The following MORC1 variants were observed in gnomAD, a reference collection of about 807,000 sequenced individuals.
MORC1 encodes the protein MORC family CW-type zinc finger protein 1.
MORC1 carries 59 observed loss-of-function variants against 134.9 expected under a neutral mutation model. The observed-to-expected ratio is 0.44, with a 90% CI of 0.35 to 0.54. The LOEUF (loss-of-function observed/expected upper bound fraction) is 0.54, where lower values mean the gene tolerates loss of function less well. Ranked by LOEUF, MORC1 falls within the 20% of genes least tolerant of loss-of-function variation. The pLI, the probability that MORC1 is intolerant of heterozygous loss-of-function variation, is 0.00. For missense variants in MORC1, 947 were observed against 1,134.5 expected, an observed-to-expected ratio of 0.83 and a Z score of 2.37; for synonymous variants, 395 against 391.7, an observed-to-expected ratio of 1.01 and a Z score of -0.10.
intron 22 of MORC1, 31 bp downstream of exon 22, chr3:108,986,845 AATAT>A: frequency 8.0e-7 from 1 of 1,244,936 alleles, no homozygotes; most frequent in South Asian, 1.6e-5. Flanking sequence ...CATTATAGCT[AATAT>A]ATATATATAC....
Position 108,958,914 on chromosome 3 carries a change from A to C in MORC1, c.*51T>G. 1.5e-6 allele frequency: 2 copies of C among 1,294,992 alleles called. No homozygotes were observed. The highest frequency in any genetic ancestry group is 2.1e-6 in the Non-Finnish European group (2 of 973,404). 80.2% of individuals were successfully genotyped at this position (1,294,992 alleles called of 1,614,324 possible). On this transcript the variant is annotated 3_prime_UTR_variant, in exon 28 of 28. Transcript: ENST00000232603. ...ACAAAAAAGAAAAATTTTTAAAAGA[A>C]TCTTCCAATTTTCTTATTAGCATTT... is the stretch of plus-strand genomic sequence containing the variant.
chr3:109,007,728 T>C (rs375036745), intron 17 of MORC1, among the ~76,000 whole-genome samples: 162 of 152,372 alleles, frequency 1.1e-3, no homozygotes, highest in African/African-American at 3.8e-3. Flanking sequence ...TTATCTTCTA[T>C]GCCGTCATGG....
At chr3:109,102,583 T>C (rs1950949949) in intron 4 of MORC1, among the ~76,000 whole-genome samples, 1 of 152,192 alleles carries the variant, frequency 6.6e-6, no homozygotes, top group Non-Finnish European at 1.5e-5. Context: ...GTCATCTTCC[T>C]TCTACTTTAT....
chr3:109,115,358 CAG>C (rs796181546), intron 1 of MORC1, among the ~76,000 whole-genome samples: 40 of 115,298 alleles, frequency 3.5e-4, no homozygotes, highest in African/African-American at 1.5e-3. Context: ...CACACACACA[CAG>C]AGAGAGAGAA....
In MORC1 at chr3:108,971,913, C is replaced by T. The variant is rs543200637; in HGVS notation, c.2478-511G>A. On this transcript the variant is annotated intron_variant, in intron 24 of 27. Coordinates refer to ENST00000232603, the MANE Select transcript of MORC1 (RefSeq NM_014429.4). The stretch of plus-strand genomic sequence containing the variant: ...CAATGCCTCGCAATCCATGAACAAC[C>T]AGTCCAGGAAAGGCCTGTACCTAGT... Among the ~76,000 whole-genome samples the T allele has an allele frequency of 2.0e-5, 3 of 152,270 alleles. No individual in the cohort carries two copies. The South Asian group carries it at 6.2e-4, about 32-fold the overall frequency.
intron 8 of MORC1, among the ~76,000 whole-genome samples, chr3:109,091,654 G>A (rs896306106): frequency 1.8e-4 from 28 of 151,908 alleles, no homozygotes; most frequent in Admixed American, 9.8e-4. Context: ...CACAGTACTC[G>A]TGTCAGAGGC....
In MORC1 at chr3:109,054,745, C is replaced by T; in HGVS notation, c.1313G>A (p.Cys438Tyr). The T allele has an allele frequency of 6.4e-7, 1 of 1,560,234 alleles. No individual in the cohort carries two copies. The highest frequency in any genetic ancestry group is 1.3e-5 in the South Asian group (1 of 79,362). ...KVMGQYLVQY[C>Y]KDTGINNRNL... ...ATACTCACTGATGCCGGTGTCCTTA[C>T]AGTACTGGACCAAGTACTGTCCCAT... The change falls in exon 14 of 28, where the codon TGT (cysteine) becomes TAT (tyrosine). Residue 438 changes from cysteine to tyrosine, a missense_variant. Physicochemically the swap from Cys to Tyr is radical, Grantham distance 194 (BLOSUM62 -2). This residue lies in a region of MORC1 where 722 missense variants were observed against 817.0 expected (regional missense o/e 0.88). Coordinates refer to ENST00000232603, the MANE Select transcript of MORC1 (RefSeq NM_014429.4).
intron 15 of MORC1, among the ~76,000 whole-genome samples, chr3:109,033,286 GAGGAAGGAAGGA>G (rs55742240): frequency 0.11 from 14,959 of 136,866 alleles, 904 homozygotes; most frequent in Non-Finnish European, 0.14. Flanking sequence ...AGCAAGAAAG[GAGGAAGGAAGGA>G]AGGAAGGAAG....
chr3:109,003,396 C>T (rs1948457274), intron 20 of MORC1, among the ~76,000 whole-genome samples: 1 of 69,906 alleles, frequency 1.4e-5, no homozygotes, highest in African/African-American at 9.5e-5. Context: ...TGTATGCACA[C>T]ACACACACAC....
chr3:108,961,894 TAGTC>T (rs1472074767), intron 27 of MORC1, among the ~76,000 whole-genome samples: 1 of 152,258 alleles, frequency 6.6e-6, no homozygotes, highest in Non-Finnish European at 1.5e-5. Context: ...ACTTGTTTAA[TAGTC>T]AGGAAGTGGT....
chr3:109,040,489 G>A (rs866256953), intron 14 of MORC1, among the ~76,000 whole-genome samples: 33 of 80,848 alleles, frequency 4.1e-4, no homozygotes, highest in African/African-American at 8.5e-4. Context: ...AGAAAGAAAG[G>A]AAAGAAAAGA....
At chr3:109,086,035 A>T (rs1950610200) in intron 8 of MORC1, among the ~76,000 whole-genome samples, 1 of 152,122 alleles carries the variant, frequency 6.6e-6, no homozygotes, top group Non-Finnish European at 1.5e-5. Context: ...GTAGGAGCTT[A>T]AAAAGTGAAT....
chr3:108,996,126 T>C (rs1480528796), intron 21 of MORC1, among the ~76,000 whole-genome samples: 1 of 151,922 alleles, frequency 6.6e-6, no homozygotes, highest in Non-Finnish European at 1.5e-5. Context: ...ATCTGTAAAA[T>C]AGGGGTGAAA....
intron 21 of MORC1, among the ~76,000 whole-genome samples, chr3:108,989,430 G>C (rs1013225353): frequency 1.3e-5 from 2 of 152,144 alleles, no homozygotes; most frequent in Non-Finnish European, 2.9e-5. Flanking sequence ...GATGGGATTT[G>C]TCAGTTCTCC....
intron 24 of MORC1, among the ~76,000 whole-genome samples, chr3:108,973,891 C>T (rs1365687124): frequency 1.3e-5 from 2 of 152,094 alleles, no homozygotes; most frequent in Non-Finnish European, 2.9e-5. Context: ...CCACCGCACC[C>T]GGCCAATCCA....
chr3:109,011,118 G>C (rs997209107), intron 17 of MORC1, among the ~76,000 whole-genome samples: 8 of 152,194 alleles, frequency 5.3e-5, no homozygotes, highest in Non-Finnish European at 8.8e-5. Context: ...GGGAGGCCAA[G>C]GCAGGAGGAT....
At chr3:108,973,886 G>A (rs1947468921) in intron 24 of MORC1, among the ~76,000 whole-genome samples, 1 of 152,042 alleles carries the variant, frequency 6.6e-6, no homozygotes, top group Non-Finnish European at 1.5e-5. Flanking sequence ...GTGAGCCACC[G>A]CACCCGGCCA....
At chr3:109,031,568 T>C (rs1201239552) in intron 16 of MORC1, among the ~76,000 whole-genome samples, 1 of 152,148 alleles carries the variant, frequency 6.6e-6, no homozygotes, top group Non-Finnish European at 1.5e-5. Context: ...AAGTCCCAAG[T>C]TGGGGATGAA....
In MORC1 at chr3:109,118,069, C is replaced by T; in HGVS notation, c.-10G>A. On this transcript the variant is annotated 5_prime_UTR_variant, in exon 1 of 28. Coordinates refer to ENST00000232603, the MANE Select transcript of MORC1 (RefSeq NM_014429.4). ...GGTACCTGTCGTCCATGCCCTCGAACACGACCCGCGCAACTCAAGGGGACA... is the reference window on the plus strand; with the variant it reads ...GGTACCTGTCGTCCATGCCCTCGAATACGACCCGCGCAACTCAAGGGGACA... The T allele has an allele frequency of 1.2e-6, 2 of 1,605,672 alleles. No individual in the cohort carries two copies. Among genetic ancestry groups the T allele is most frequent in the Non-Finnish European group, 1.7e-6 (2 of 1,176,290 alleles).
Sources: allele counts gnomAD v4.1 joint callset (sites outside exome capture counted in the v4.1 genomes callset), GRCh38; gene constraint gnomAD v4.1.1; regional missense constraint gnomAD v4.1.1; transcripts MANE v1.5; gene names NCBI Gene and HGNC (gene_info 2026-07-23, HGNC 2026-07-21).